ELMO1: variants seen among roughly 807,000 people sequenced by gnomAD.
The protein encoded by ELMO1 is engulfment and cell motility 1, also known as engulfment and cell motility protein 1.
ELMO1 carries 26 observed loss-of-function variants against 98.9 expected under a neutral mutation model. The observed-to-expected ratio is 0.26, with a 90% CI of 0.19 to 0.36. The LOEUF (loss-of-function observed/expected upper bound fraction) is 0.36. ELMO1 is among the 10% of genes least tolerant of loss of function. ELMO1 has a pLI of 1.00. For missense variants in ELMO1, 627 were observed against 935.2 expected (o/e 0.67, Z 4.30); for synonymous variants, 346 against 346.0 (o/e 1.00, Z 0.00).
chr7:37,212,037 C>G (rs1793003680), intron 12 of ELMO1, among the ~76,000 whole-genome samples: 1 of 152,230 alleles, frequency 6.6e-6, no homozygotes, highest in African/African-American at 2.4e-5. Context: ...CAATGGGATA[C>G]TATCCAGGCT....
At chr7:36,975,070 G>C (rs1299666745) in intron 16 of ELMO1, among the ~76,000 whole-genome samples, 1 of 152,250 alleles carries the variant, frequency 6.6e-6, no homozygotes, top group Non-Finnish European at 1.5e-5. Context: ...CATTCTTGAA[G>C]TCAGTAAGAC....
At chr7:37,160,033 T>G (rs887678458) in intron 13 of ELMO1, among the ~76,000 whole-genome samples, 1 of 152,204 alleles carries the variant, frequency 6.6e-6, no homozygotes, top group Non-Finnish European at 1.5e-5. Context: ...TATCGCAAAC[T>G]CAAGTAGGTT....
At chr7:37,391,988 T>G (rs1205364965) in intron 1 of ELMO1, among the ~76,000 whole-genome samples, 1 of 152,152 alleles carries the variant, frequency 6.6e-6, no homozygotes, top group East Asian at 1.9e-4. Flanking sequence ...TGCGTGGACT[T>G]TGCACCCAGA....
chr7:37,239,892 A>G (rs974926248), intron 7 of ELMO1, among the ~76,000 whole-genome samples: 3 of 152,174 alleles, frequency 2.0e-5, no homozygotes, highest in African/African-American at 7.2e-5. Flanking sequence ...GATAACTGAA[A>G]ACTATCAGGT....
chr7:37,049,777 C>CTT lies in ELMO1; in HGVS notation c.1301-36344_1301-36343dup, dbSNP rs34896674. Among the ~76,000 whole-genome samples the CTT allele has an allele frequency of 4.4e-4, 58 of 131,046 alleles. 1 individual carries two copies. Among genetic ancestry groups the CTT allele is most frequent in the Middle Eastern group, 4.1e-3 (1 of 244 alleles). 86.0% of individuals were successfully genotyped at this position (131,046 alleles called of 152,430 possible). A position where few individuals can be genotyped will look rare whatever the true frequency, so the allele number is the denominator to read the frequency against. On this transcript the variant is annotated intron_variant, in intron 15 of 21. Transcript: ENST00000310758. ...TTTACTCCCCAGTTTTGTTTTGTTT[C>CTT]TTTTTTTTTTTTTTTTTGAGATGGA...
chr7:37,212,566 G>A (rs906944393), intron 12 of ELMO1, among the ~76,000 whole-genome samples: 13 of 152,120 alleles, frequency 8.5e-5, no homozygotes, highest in South Asian at 2.1e-4. Flanking sequence ...CACATTCACC[G>A]CCTCTCAAAG....
In ELMO1 at chr7:37,323,417, A is replaced by T. The variant is rs544587912; in HGVS notation, c.79-7457T>A. 3.9e-4 allele frequency among the ~76,000 whole-genome samples: 60 copies of T among 152,344 alleles called. No homozygotes were observed. The South Asian group carries it at 0.012, about 31-fold the overall frequency. ...TAACGTAAGTTAGATTTAAGGATGG[A>T]CGCGATGGCTCATGCCTGTAATCCT... On this transcript the variant is annotated intron_variant, in intron 2 of 21. Transcript: ENST00000310758.
At chr7:37,195,037 G>A (rs1416842915) in intron 13 of ELMO1, among the ~76,000 whole-genome samples, 1 of 152,170 alleles carries the variant, frequency 6.6e-6, no homozygotes, top group East Asian at 1.9e-4. Flanking sequence ...CCCTCTGGTG[G>A]GACATCAGGC....
At chr7:37,024,020 CTCTTTTTCCTTCCCTCCCTT>C (rs1794428877) in intron 15 of ELMO1, among the ~76,000 whole-genome samples, 2 of 152,196 alleles carry the variant, frequency 1.3e-5, no homozygotes, top group South Asian at 4.1e-4. Flanking sequence ...TCATCTCCCT[CTCTTTTTCCTTCCCTCCCTT>C]CCTTCATCCA....
At chr7:37,287,141 C>T (rs1797432213) in intron 4 of ELMO1, among the ~76,000 whole-genome samples, 2 of 150,502 alleles carry the variant, frequency 1.3e-5, no homozygotes, top group Admixed American at 6.6e-5. Context: ...TGCAATGAGC[C>T]GAGATCACGC....
intron 9 of ELMO1, among the ~76,000 whole-genome samples, chr7:37,224,324 G>A (rs908247953): frequency 6.6e-6 from 1 of 152,114 alleles, no homozygotes; most frequent in Non-Finnish European, 1.5e-5. Context: ...AGGCTGCAGG[G>A]GCAGCTATCT....
chr7:37,032,093 G>C (rs966217642), intron 15 of ELMO1, among the ~76,000 whole-genome samples: 3 of 152,108 alleles, frequency 2.0e-5, no homozygotes, highest in African/African-American at 7.2e-5. Flanking sequence ...TGAGTCATTG[G>C]AGAAACATCC....
intron 12 of ELMO1, among the ~76,000 whole-genome samples, chr7:37,212,441 C>T (rs977459748): frequency 1.3e-5 from 2 of 152,094 alleles, no homozygotes; most frequent in Non-Finnish European, 2.9e-5. Flanking sequence ...AAAGGGTTTC[C>T]AAGCAAAGAG....
At chr7:37,373,956 C>G (rs1004294780) in intron 1 of ELMO1, among the ~76,000 whole-genome samples, 2 of 152,264 alleles carry the variant, frequency 1.3e-5, no homozygotes, top group South Asian at 2.1e-4. Context: ...TTGAAGTCAT[C>G]ATTATGGGGA....
intron 15 of ELMO1, 173 bp from the exon 16 acceptor site, chr7:37,013,608 C>T (rs1167245014): frequency 6.9e-6 from 5 of 723,002 alleles, no homozygotes; most frequent in Non-Finnish European, 8.8e-6. Flanking sequence ...CCATACAACT[C>T]GGAAGTTTAA....
chr7:37,131,713 T>C (rs549556255), intron 14 of ELMO1, among the ~76,000 whole-genome samples: 2 of 152,344 alleles, frequency 1.3e-5, no homozygotes, highest in African/African-American at 4.8e-5. Context: ...CAAAGTTTTA[T>C]GGAAAAACAA....
intron 16 of ELMO1, among the ~76,000 whole-genome samples, chr7:36,926,198 C>T (rs1475259897): frequency 6.6e-6 from 1 of 152,182 alleles, no homozygotes; most frequent in East Asian, 1.9e-4. Flanking sequence ...CCCCAAATTC[C>T]AGACTGAGAG....
chr7:36,873,631 G>T (rs1240555977), intron 19 of ELMO1, among the ~76,000 whole-genome samples: 1 of 152,184 alleles, frequency 6.6e-6, no homozygotes, highest in Admixed American at 6.5e-5. Flanking sequence ...GCTGGGTTTA[G>T]TGCTTCTTCT....
At chr7:37,083,394 T>G (rs1315092485) in intron 15 of ELMO1, among the ~76,000 whole-genome samples, 1 of 152,056 alleles carries the variant, frequency 6.6e-6, no homozygotes, top group African/African-American at 2.4e-5. Flanking sequence ...CAGGAATCAC[T>G]GGACTAAGTT....
Sources: gnomAD v4.1 joint callset for allele counts (sites outside exome capture counted in the v4.1 genomes callset) on GRCh38, gnomAD v4.1.1 for gene constraint, MANE v1.5 for transcripts, NCBI Gene and HGNC (gene_info 2026-07-23, HGNC 2026-07-21) for gene names.